NDST4: variants seen among roughly 807,000 people sequenced by gnomAD.
NDST4 encodes N-heparan sulfate sulfotransferase 4.
Under a neutral mutation model 100.8 loss-of-function variants are expected in NDST4, and 63 were observed. That is an observed-to-expected ratio of 0.62 (90% CI 0.51 to 0.77). The LOEUF (loss-of-function observed/expected upper bound fraction) is 0.77. Among genes scored for constraint, NDST4 ranks in the 30% least tolerant of loss-of-function variants. NDST4 has a pLI of 0.00. For synonymous variants in NDST4, 377 were observed against 361.8 expected (o/e 1.04, Z -0.48); for missense variants, 943 against 1,018.4 (o/e 0.93, Z 1.01).
At chr4:115,113,197 A>G (rs952265062) in intron 1 of NDST4, among the ~76,000 whole-genome samples, 2 of 151,944 alleles carry the variant, frequency 1.3e-5, no homozygotes, top group Admixed American at 6.6e-5. Context: ...ATCAAGTTGT[A>G]TCTCTTTTTT....
At chr4:114,994,016 A>G (rs185535051) in intron 2 of NDST4, among the ~76,000 whole-genome samples, 48 of 152,098 alleles carry the variant, frequency 3.2e-4, no homozygotes, top group African/African-American at 1.0e-3. Flanking sequence ...GTTAAAACAC[A>G]TTTGTATAAA....
intron 6 of NDST4, among the ~76,000 whole-genome samples, chr4:114,886,686 G>A (rs28498191): frequency 0.09 from 13,628 of 151,912 alleles, 1,796 homozygotes; most frequent in African/African-American, 0.29. Context: ...GGGAAAATTT[G>A]TTTCTCTTAT....
At position 114,935,310 on chromosome 4, in the gene NDST4, A is replaced by T. The variant is rs1725604225; in HGVS notation, c.1432T>A (p.Leu478Met). 1 of 1,608,748 alleles carries T rather than the reference A, an allele frequency of 6.2e-7. No homozygotes were observed. The highest frequency in any genetic ancestry group is 1.7e-5 in the Admixed American group (1 of 59,124). The part of the protein sequence containing the change: ...IMVLPRQTCG[L>M]FTHTIFYKEY... ...TTGTAGAAAATAGTGTGAGTGAACA[A>T]CCCACAAGTCTGTCGAGGGAGGACC... The change falls in exon 6 of 14, where the codon TTG becomes ATG. Residue 478 changes from leucine (L) to methionine (M), a missense_variant. This residue lies in a region of NDST4 where 526 missense variants were observed against 634.1 expected (regional missense o/e 0.83). Coordinates refer to ENST00000264363, the MANE Select transcript of NDST4 (RefSeq NM_022569.3).
chr4:115,012,902 C>A (rs1727585167), intron 2 of NDST4, among the ~76,000 whole-genome samples: 1 of 151,786 alleles, frequency 6.6e-6, no homozygotes, highest in Non-Finnish European at 1.5e-5. Context: ...TCATTTGCAA[C>A]AAAAGGGATG....
chr4:114,955,311 T>TG (rs1726113589), intron 4 of NDST4, among the ~76,000 whole-genome samples: 1 of 151,922 alleles, frequency 6.6e-6, no homozygotes. Flanking sequence ...ACTGTAGTCA[T>TG]CAATGAGTAA....
chr4:115,071,618 T>G (rs1459063030), intron 2 of NDST4, among the ~76,000 whole-genome samples: 1 of 152,094 alleles, frequency 6.6e-6, no homozygotes, highest in East Asian at 1.9e-4. Context: ...TCTTTTATAC[T>G]ATTTCAGAGT....
chr4:114,956,474 A>G (rs1726143917), intron 4 of NDST4, among the ~76,000 whole-genome samples: 1 of 152,230 alleles, frequency 6.6e-6, no homozygotes. Context: ...GACTAAATAG[A>G]AACTTTCTAT....
intron 13 of NDST4, among the ~76,000 whole-genome samples, chr4:114,828,987 ATAG>A (rs2126178576): frequency 6.6e-6 from 1 of 152,298 alleles, no homozygotes; most frequent in Non-Finnish European, 1.5e-5. Flanking sequence ...TAAGATGTTT[ATAG>A]TAGTAGTGGG....
At position 114,845,839 on chromosome 4, in the gene NDST4, G is replaced by C; in HGVS notation, c.2099C>G (p.Ala700Gly). The change falls in exon 10 of 14, where the codon GCA becomes GGA. Residue 700 changes from alanine (A) to glycine (G), a missense_variant. By Grantham distance (60) the Ala-to-Gly change is moderately conservative. This residue lies in a region of NDST4 where 526 missense variants were observed against 634.1 expected (regional missense o/e 0.83). Coordinates refer to ENST00000264363, the MANE Select transcript of NDST4 (RefSeq NM_022569.3). ...ITILIDPSDRAYSWYQHQRSH... is the reference protein window; with the variant it reads ...ITILIDPSDRGYSWYQHQRSH... ...TGACCATACCTGGTACCAAGAGTAT[G>C]CCCTGTCTGAGGGGTCAATGAGGAT... 1 of 1,613,762 alleles carries C rather than the reference G, an allele frequency of 6.2e-7. No individual in the cohort carries two copies. The highest frequency in any genetic ancestry group is 8.5e-7 in the Non-Finnish European group (1 of 1,179,746).
intron 1 of NDST4, among the ~76,000 whole-genome samples, chr4:115,084,393 G>A (rs1243050848): frequency 6.6e-6 from 1 of 152,192 alleles, no homozygotes; most frequent in African/African-American, 2.4e-5. Flanking sequence ...ATTCTGGGGA[G>A]AAATTCAAGC....
chr4:115,005,721 T>C (rs1727398439), intron 2 of NDST4, among the ~76,000 whole-genome samples: 1 of 151,920 alleles, frequency 6.6e-6, no homozygotes, highest in South Asian at 2.1e-4. Flanking sequence ...AAGTGAGATC[T>C]GAAGGTTGAG....
In NDST4 at chr4:115,092,417, G is replaced by GT. The variant is rs368456120; in HGVS notation, c.-246-15136dup. ...TCATATAATCACGAATTTCTCAAAC[G>GT]TAAGAAGCATGTTCAAGTTGCTGGA... On this transcript the variant is annotated intron_variant, in intron 1 of 13. Transcript: ENST00000264363. 2.8e-3 allele frequency among the ~76,000 whole-genome samples: 426 copies of GT among 152,138 alleles called. 3 individuals carry two copies. The highest frequency in any genetic ancestry group is 9.3e-3 in the African/African-American group (387 of 41,520).
intron 1 of NDST4, among the ~76,000 whole-genome samples, chr4:115,091,296 A>G (rs181705508): frequency 6.6e-6 from 1 of 152,202 alleles, no homozygotes; most frequent in Non-Finnish European, 1.5e-5. Flanking sequence ...GTGTGTAATA[A>G]TTTCATTTAC....
chr4:114,867,562 TA>T (rs1404367899), intron 7 of NDST4, among the ~76,000 whole-genome samples: 3 of 142,654 alleles, frequency 2.1e-5, no homozygotes, highest in South Asian at 4.3e-4. Context: ...TTTGAGAGCT[TA>T]AAAGCATCGA....
chr4:115,051,808 T>C (rs114760615), intron 2 of NDST4, among the ~76,000 whole-genome samples: 5,293 of 152,248 alleles, frequency 0.035, 322 homozygotes, highest in African/African-American at 0.11. Context: ...ATGGAAGTTT[T>C]ATTTTTAGTT....
chr4:114,869,247 A>G (rs1021668310), intron 7 of NDST4, among the ~76,000 whole-genome samples: 2 of 151,792 alleles, frequency 1.3e-5, no homozygotes, highest in Non-Finnish European at 2.9e-5. Context: ...TTAGTTCATC[A>G]TTAAAAAAAA....
chr4:114,977,108 A>C, intron 3 of NDST4, 79 bp downstream of exon 3: 1 of 878,114 alleles, frequency 1.1e-6, no homozygotes, highest in South Asian at 1.9e-5. Context: ...TGGAGAATCT[A>C]TCTCTACCAC....
chr4:114,889,228 A>C (rs182386055), intron 6 of NDST4, among the ~76,000 whole-genome samples: 2 of 152,218 alleles, frequency 1.3e-5, no homozygotes, highest in African/African-American at 2.4e-5. Context: ...TTTGGAAAAC[A>C]GGGATATTCT....
intron 7 of NDST4, among the ~76,000 whole-genome samples, chr4:114,870,567 C>A (rs1208992702): frequency 6.6e-6 from 1 of 151,978 alleles, no homozygotes; most frequent in Non-Finnish European, 1.5e-5. Context: ...CAAACAAAAA[C>A]CCAGAAAAGC....
Sources: allele counts gnomAD v4.1 joint callset (sites outside exome capture counted in the v4.1 genomes callset), GRCh38; gene constraint gnomAD v4.1.1; regional missense constraint gnomAD v4.1.1; transcripts MANE v1.5; gene names NCBI Gene and HGNC (gene_info 2026-07-23, HGNC 2026-07-21).